The following DAB1 variants were observed in gnomAD, a reference collection of about 807,000 sequenced individuals.
DAB1 encodes disabled homolog 1.
A neutral mutation model predicts 64.6 loss-of-function variants in DAB1; 15 were observed. The ratio of observed to expected loss-of-function variants is 0.23; its 90% CI spans 0.16 to 0.36. The LOEUF is 0.36. Ranked by LOEUF, DAB1 falls within the 10% of genes least tolerant of loss-of-function variation. The probability of loss-of-function intolerance (pLI) is 1.00; values close to 1 mark genes in which losing one functional copy is unlikely to be tolerated. For synonymous variants in DAB1, 235 were observed against 251.9 expected (o/e 0.93, Z 0.64); for missense variants, 596 against 706.7 (o/e 0.84, Z 1.78).
At chr1:57,049,726 G>C (rs1012277904) in intron 9 of DAB1, among the ~76,000 whole-genome samples, 2 of 152,090 alleles carry the variant, frequency 1.3e-5, no homozygotes, top group African/African-American at 4.8e-5. Context: ...TTTGCCCTCA[G>C]ACCCATTCTT....
At position 57,812,155 on chromosome 1, in the gene DAB1, A is replaced by G. The variant is rs149568477; in HGVS notation, n.551+71844T>C. On this transcript the variant is annotated intron_variant and non_coding_transcript_variant, in intron 6 of 20. Coordinates refer to the DAB1 transcript ENST00000485760. ...GGGACACATTCCATGAAGTAGCCTC[A>G]TGGAGAAGGTGCCAGTATAAAAAGA... Among the ~76,000 whole-genome samples, 149 of 152,160 alleles carry G rather than the reference A, an allele frequency of 9.8e-4. 1 individual carries two copies. The East Asian group carries it at 0.023, about 24-fold the overall frequency.
chr1:57,163,116 T>C (rs1310056811), intron 2 of DAB1, among the ~76,000 whole-genome samples: 1 of 152,160 alleles, frequency 6.6e-6, no homozygotes, highest in Non-Finnish European at 1.5e-5. Flanking sequence ...CAGGGCACAG[T>C]CATGAACCAG....
chr1:57,596,962 T>G (rs918290458), intron 7 of DAB1, among the ~76,000 whole-genome samples: 2 of 152,196 alleles, frequency 1.3e-5, no homozygotes, highest in Non-Finnish European at 2.9e-5. Context: ...TTTGCTGGCT[T>G]CTATGAACTC....
intron 12 of DAB1, among the ~76,000 whole-genome samples, chr1:57,013,402 G>A (rs138419902): frequency 4.2e-4 from 64 of 152,226 alleles, no homozygotes; most frequent in Middle Eastern, 3.4e-3. Flanking sequence ...AAAGATGCTT[G>A]CTTATTTATG....
intron 3 of DAB1, among the ~76,000 whole-genome samples, chr1:58,478,385 G>A (rs1203593401): frequency 6.6e-6 from 1 of 152,118 alleles, no homozygotes; most frequent in Non-Finnish European, 1.5e-5. Flanking sequence ...TGGACTAATA[G>A]TACAAAGTAT....
At position 57,877,557 on chromosome 1, in the gene DAB1, T is replaced by A. The variant is rs1292158581; in HGVS notation, n.87+6442A>T. On this transcript the variant is annotated intron_variant and non_coding_transcript_variant, in intron 1 of 1. Transcript: ENST00000477280. Reference sequence around the variant, plus strand: ...TCCTAATTGATTTATTTTTTTTTTTTTTTTTTTTTTTTTTGAGACGGAGTC... The same window carrying A: ...TCCTAATTGATTTATTTTTTTTTTTATTTTTTTTTTTTTTGAGACGGAGTC... Among the ~76,000 whole-genome samples, 81 of 57,864 alleles carry A rather than the reference T, an allele frequency of 1.4e-3. 27 individuals carry two copies. The highest frequency in any genetic ancestry group is 2.3e-3 in the Admixed American group (13 of 5,644). The allele number at this position is 57,864 out of a possible 152,430, so 38.0% of individuals were successfully genotyped here.
chr1:57,705,007 C>T (rs1025421723), intron 6 of DAB1, among the ~76,000 whole-genome samples: 13 of 151,882 alleles, frequency 8.6e-5, no homozygotes, highest in African/African-American at 3.1e-4. Context: ...GGGAAAAAAT[C>T]TGAGCTTTTA....
Position 58,192,652 on chromosome 1 carries a change from T to C in DAB1, n.310-42064A>G, listed in dbSNP as rs552064190. 3.9e-5 allele frequency among the ~76,000 whole-genome samples: 6 copies of C among 152,274 alleles called. No individual in the cohort carries two copies. In the South Asian group the frequency reaches 1.0e-3, roughly 26 times the overall value. On this transcript the variant is annotated intron_variant and non_coding_transcript_variant, in intron 4 of 20. Coordinates refer to the DAB1 transcript ENST00000485760. ...GTGTGCGTGTGTGTATGTGTATATA[T>C]GTATATATGTGTGTGTGTGTATGTA... is the stretch of plus-strand genomic sequence containing the variant.
chr1:57,023,704 T>G (rs548595294), intron 10 of DAB1, 65 bp from the exon 11 acceptor site: 2 of 1,061,724 alleles, frequency 1.9e-6, no homozygotes, highest in African/African-American at 3.1e-5. Flanking sequence ...GGCTGGGAGG[T>G]AGCAGATGCA....
At chr1:57,678,582 G>A (rs1304375313) in intron 6 of DAB1, among the ~76,000 whole-genome samples, 1 of 152,086 alleles carries the variant, frequency 6.6e-6, no homozygotes, top group Non-Finnish European at 1.5e-5. Context: ...TGGGACCTCA[G>A]GGGGTAGACT....
intron 14 of DAB1, among the ~76,000 whole-genome samples, chr1:57,003,339 C>G (rs1645940834): frequency 6.6e-6 from 1 of 152,154 alleles, no homozygotes; most frequent in African/African-American, 2.4e-5. Context: ...TATATACGGT[C>G]TTTCCAATGT....
At chr1:58,304,720 G>C (rs1471522980) in intron 4 of DAB1, among the ~76,000 whole-genome samples, 3 of 152,128 alleles carry the variant, frequency 2.0e-5, no homozygotes, top group Non-Finnish European at 4.4e-5. Context: ...TAAAATTAGA[G>C]ATCACAGGAC....
chr1:57,530,048 C>T (rs1183717951), intron 7 of DAB1, among the ~76,000 whole-genome samples: 1 of 152,092 alleles, frequency 6.6e-6, no homozygotes, highest in African/African-American at 2.4e-5. Flanking sequence ...ATGATTAAAG[C>T]ATCCATAGAC....
chr1:58,266,977 TG>T (rs55949503), intron 4 of DAB1, among the ~76,000 whole-genome samples: 18,741 of 152,234 alleles, frequency 0.12, 1,428 homozygotes, highest in Admixed American at 0.19. Flanking sequence ...CCCAGCACTT[TG>T]GGAGGCTGAG....
chr1:57,470,716 A>G (rs573999751), intron 7 of DAB1, among the ~76,000 whole-genome samples: 11 of 152,216 alleles, frequency 7.2e-5, no homozygotes, highest in Admixed American at 1.3e-4. Flanking sequence ...AGTGAAAACT[A>G]TTGAATAGCC....
At chr1:57,099,376 T>C (rs1312819236) in intron 4 of DAB1, among the ~76,000 whole-genome samples, 2 of 152,228 alleles carry the variant, frequency 1.3e-5, no homozygotes, top group African/African-American at 4.8e-5. Context: ...TGTCAGCTGC[T>C]GTTATTAGTA....
At chr1:57,173,401 AAATT>A (rs1169164511) in intron 2 of DAB1, among the ~76,000 whole-genome samples, 3 of 152,336 alleles carry the variant, frequency 2.0e-5, no homozygotes, top group African/African-American at 7.2e-5. Flanking sequence ...TTCATGCACA[AAATT>A]ATTAAAAATA....
chr1:57,714,368 A>C (rs917857116), intron 6 of DAB1, among the ~76,000 whole-genome samples: 14 of 152,288 alleles, frequency 9.2e-5, no homozygotes, highest in African/African-American at 2.6e-4. Context: ...AACTACTATG[A>C]TATGCTTTCT....
chr1:58,533,827 G>A (rs1569967261), intron 1 of DAB1: 1 of 666,968 alleles, frequency 1.5e-6, no homozygotes, highest in East Asian at 2.7e-5. Flanking sequence ...GCAGATTAAG[G>A]CAATTACCCA....
Sources: gnomAD v4.1 joint callset for allele counts (sites outside exome capture counted in the v4.1 genomes callset) on GRCh38, gnomAD v4.1.1 for gene constraint, MANE v1.5 for transcripts, NCBI Gene and HGNC (gene_info 2026-07-23, HGNC 2026-07-21) for gene names.